The following ARHGAP19 variants were observed in gnomAD, a reference collection of about 807,000 sequenced individuals.
ARHGAP19 encodes the protein rho GTPase-activating protein 19.
A neutral mutation model predicts 60.9 loss-of-function variants in ARHGAP19; 48 were observed. The ratio of observed to expected loss-of-function variants is 0.79; its 90% confidence interval spans 0.62 to 1.00. ARHGAP19 has a LOEUF of 1.00. Ranked by LOEUF, ARHGAP19 falls within the 50% of genes least tolerant of loss-of-function variation. The probability of loss-of-function intolerance (pLI) is 0.00; values close to 1 mark genes in which losing one functional copy is unlikely to be tolerated. For synonymous variants in ARHGAP19, 209 were observed against 215.5 expected, an observed-to-expected ratio of 0.97 and a Z score of 0.27; for missense variants, 562 against 597.2, an observed-to-expected ratio of 0.94 and a Z score of 0.61.
intron 7 of ARHGAP19, among the ~76,000 whole-genome samples, chr10:97,244,669 A>ATTTTCCC (rs1321636740): frequency 6.6e-6 from 1 of 152,186 alleles, no homozygotes; most frequent in African/African-American, 2.4e-5. Flanking sequence ...AGGAACAAAA[A>ATTTTCCC]CAGCTCTCTA....
At chr10:97,237,785 C>T (rs1285577123) in intron 8 of ARHGAP19, among the ~76,000 whole-genome samples, 1 of 151,608 alleles carries the variant, frequency 6.6e-6, no homozygotes, top group Non-Finnish European at 1.5e-5. Context: ...GCAGGAGAAT[C>T]GCTTGAACCT....
At position 97,236,304 on chromosome 10, in the gene ARHGAP19, A is replaced by C. The variant is rs180976455; in HGVS notation, c.1186-989T>G. ...TTCTGCCTTTTCTAACTATACTTTT[A>C]AAATTTCGGAACTGTAAAAATTTGG... On this transcript the variant is annotated intron_variant, in intron 8 of 11. Transcript: ENST00000358531. 6.6e-5 allele frequency among the ~76,000 whole-genome samples: 10 copies of C among 152,224 alleles called. No homozygotes were observed. The East Asian group carries it at 1.9e-3, about 29-fold the overall frequency.
intron 1 of ARHGAP19, among the ~76,000 whole-genome samples, chr10:97,285,172 T>C (rs577872758): frequency 2.6e-5 from 4 of 152,108 alleles, no homozygotes; most frequent in African/African-American, 9.6e-5. Context: ...GCCGAAAGTA[T>C]ATACTCTTAA....
intron 6 of ARHGAP19, among the ~76,000 whole-genome samples, chr10:97,255,401 C>T (rs553130307): frequency 2.6e-4 from 39 of 152,096 alleles, no homozygotes; most frequent in African/African-American, 6.5e-4. Flanking sequence ...ACGTTGAAAC[C>T]CTGTCTCTAC....
At chr10:97,266,212 A>C (rs879349829) in intron 1 of ARHGAP19, 87 bp from the exon 2 acceptor site, 1 of 1,483,962 alleles carries the variant, frequency 6.7e-7, no homozygotes, top group Non-Finnish European at 9.1e-7. Flanking sequence ...TCCTGACTCC[A>C]CGCAAAGGCA....
In ARHGAP19 at chr10:97,230,587, A is replaced by G. The variant is rs575488718; in HGVS notation, c.1285-713T>C. Among the ~76,000 whole-genome samples the G allele has an allele frequency of 2.6e-5, 4 of 152,360 alleles. No individual in the cohort carries two copies. In the South Asian group the frequency reaches 8.3e-4, roughly 32 times the overall value. ...GAGAATAAATTTGAATTCTAAAAAA[A>G]GAACATATCAAAACTAGAACATTAA... On this transcript the variant is annotated intron_variant, in intron 9 of 11. Coordinates refer to ENST00000358531, the MANE Select transcript of ARHGAP19 (RefSeq NM_032900.6).
At chr10:97,254,820 C>T (rs1842732346) in intron 6 of ARHGAP19, among the ~76,000 whole-genome samples, 1 of 152,082 alleles carries the variant, frequency 6.6e-6, no homozygotes, top group African/African-American at 2.4e-5. Context: ...AAAGGGATAT[C>T]CATCAACTGA....
chr10:97,249,821 C>T (rs1287654038), intron 6 of ARHGAP19, among the ~76,000 whole-genome samples: 10 of 125,528 alleles, frequency 8.0e-5, no homozygotes, highest in Admixed American at 6.4e-4. Flanking sequence ...TTTTTTGAGA[C>T]GGAGTCTGGC....
chr10:97,250,390 CTTTTTTT>C (rs34345215), intron 6 of ARHGAP19, among the ~76,000 whole-genome samples: 3 of 139,944 alleles, frequency 2.1e-5, no homozygotes, highest in Non-Finnish European at 4.7e-5. Flanking sequence ...ATTTCTTTTT[CTTTTTTT>C]TTTTTTGAGA....
chr10:97,280,304 G>A (rs1843067006), intron 1 of ARHGAP19, among the ~76,000 whole-genome samples: 1 of 152,020 alleles, frequency 6.6e-6, no homozygotes, highest in South Asian at 2.1e-4. Flanking sequence ...AGCTACAAGG[G>A]AGGCTGAGGA....
At chr10:97,273,962 T>TAC (rs55827822) in intron 1 of ARHGAP19, among the ~76,000 whole-genome samples, 31,216 of 149,908 alleles carry the variant, frequency 0.21, 3,871 homozygotes, top group East Asian at 0.42. Context: ...AAGCCACACA[T>TAC]ACACACACAC....
chr10:97,239,652 A>G (rs1398679587), intron 8 of ARHGAP19, among the ~76,000 whole-genome samples: 3 of 151,212 alleles, frequency 2.0e-5, no homozygotes, highest in African/African-American at 7.3e-5. Context: ...AAAAAAAAAG[A>G]TATTAGGGGA....
chr10:97,230,378 A>G (rs766666104), intron 9 of ARHGAP19, among the ~76,000 whole-genome samples: 1 of 152,158 alleles, frequency 6.6e-6, no homozygotes, highest in Non-Finnish European at 1.5e-5. Flanking sequence ...GAGACATTCT[A>G]TAAGAGTTCC....
At position 97,263,493 on chromosome 10, in the gene ARHGAP19, C is replaced by T. The variant is rs769466990; in HGVS notation, c.540G>A (p.Leu180=). 3 of 1,614,128 alleles carry T rather than the reference C, an allele frequency of 1.9e-6. No homozygotes were observed. The East Asian group carries it at 6.7e-5, about 36-fold the overall frequency. ...EFHSNDVATL[L]KMFLGELPEP... The stretch of plus-strand genomic sequence containing the variant: ...CCGGCAACTCTCCTAGAAACATCTT[C>T]AGCAAAGTGGCAACATCATTTGAGT... Residue 180 remains leucine (L), a synonymous_variant, in exon 4 of 12, where the codon CTG becomes CTA. Coordinates refer to ENST00000358531, the MANE Select transcript of ARHGAP19 (RefSeq NM_032900.6).
At chr10:97,265,744 A>C in intron 2 of ARHGAP19, 116 bp downstream of exon 2, 1 of 1,393,292 alleles carries the variant, frequency 7.2e-7, no homozygotes. Context: ...AAAACTGAAA[A>C]AATGGCCAAA....
At chr10:97,273,850 T>G (rs1030887674) in intron 1 of ARHGAP19, among the ~76,000 whole-genome samples, 5 of 152,194 alleles carry the variant, frequency 3.3e-5, no homozygotes, top group Admixed American at 1.3e-4. Flanking sequence ...GAATTTTAAT[T>G]TAATGGCTTT....
chr10:97,239,554 GTGTGTGTGTGTGT>G (rs1842442311), intron 8 of ARHGAP19, among the ~76,000 whole-genome samples: 2 of 9,870 alleles, frequency 2.0e-4, no homozygotes, highest in Admixed American at 2.0e-3. Context: ...GAGAGAGGGT[GTGTGTGTGTGTGT>G]GTGTGTGTGT....
At chr10:97,252,485 G>T (rs111913269) in intron 6 of ARHGAP19, among the ~76,000 whole-genome samples, 13 of 152,020 alleles carry the variant, frequency 8.6e-5, no homozygotes, top group Admixed American at 7.2e-4. Flanking sequence ...TTAGCCGGGC[G>T]TGGTGGCAGG....
rs1375849103 is a variant in ARHGAP19 at position 97,223,727 on chromosome 10, A to T, written c.*2395T>A. 1.3e-5 allele frequency: 2 copies of T among 152,228 alleles called. No individual in the cohort carries two copies. The highest frequency in any genetic ancestry group is 4.8e-5 in the African/African-American group (2 of 41,466). 9.4% of individuals were successfully genotyped at this position (152,228 alleles called of 1,614,324 possible). On this transcript the variant is annotated 3_prime_UTR_variant, in exon 12 of 12. Transcript: ENST00000358531. Reference sequence around the variant, plus strand: ...AACAATACCTGCCCACCAAATCAGAAGGGAGACAGCAGCCTTCTGTGGCAA... The same window carrying T: ...AACAATACCTGCCCACCAAATCAGATGGGAGACAGCAGCCTTCTGTGGCAA...
Sources: gnomAD v4.1 joint callset for allele counts (sites outside exome capture counted in the v4.1 genomes callset) on GRCh38, gnomAD v4.1.1 for gene constraint, MANE v1.5 for transcripts, NCBI Gene and HGNC (gene_info 2026-07-23, HGNC 2026-07-21) for gene names.